Variants in SLC25A33 observed in about 807,000 individuals in gnomAD.
SLC25A33 encodes the protein bone marrow stromal cell mitochondrial carrier protein.
In SLC25A33, 15 loss-of-function variants were observed where a neutral mutation model predicts 35.5. That is an observed-to-expected ratio of 0.42 (90% CI 0.28 to 0.65). SLC25A33 has a LOEUF of 0.65. Ranked by LOEUF, SLC25A33 falls within the 30% of genes least tolerant of loss-of-function variation. The probability of loss-of-function intolerance (pLI) is 0.20; values close to 1 mark genes in which losing one functional copy is unlikely to be tolerated. For synonymous variants in SLC25A33, 136 were observed against 148.7 expected, an observed-to-expected ratio of 0.91 and a Z score of 0.62; for missense variants, 257 against 398.5, an observed-to-expected ratio of 0.64 and a Z score of 3.02.
intron 5 of SLC25A33, chr1:9,576,933 G>A (rs951152860): frequency 2.3e-6 from 3 of 1,299,650 alleles, no homozygotes; most frequent in Admixed American, 3.5e-5. Flanking sequence ...AGGAAGTTTG[G>A]GGATGGTATC....
rs577320018 is a variant in SLC25A33, at chr1:9,580,047, C to T, written c.576C>T (p.Ala192=). The change falls in exon 6 of 7, where the codon GCC becomes GCT. Residue 192 remains alanine, a synonymous_variant. Transcript: ENST00000302692. ...GTGGCTTCTATAGAGGATTAACTGCCTCGTATGCTGGAATTTCCGAAACTA... is the reference window on the plus strand; with the variant it reads ...GTGGCTTCTATAGAGGATTAACTGCTTCGTATGCTGGAATTTCCGAAACTA... The part of the protein sequence containing the change: ...GIRGFYRGLT[A]SYAGISETII... 11 of 1,612,642 alleles carry T rather than the reference C, an allele frequency of 6.8e-6. No homozygotes were observed. The East Asian group carries it at 2.2e-4, about 33-fold the overall frequency.
chr1:9,565,565 C>T (rs2100396879), intron 2 of SLC25A33, among the ~76,000 whole-genome samples: 1 of 149,280 alleles, frequency 6.7e-6, no homozygotes, highest in South Asian at 2.1e-4. Context: ...TGTATGTCAT[C>T]ACAAAAAAAA....
At chr1:9,573,075 A>C (rs994534801) in intron 4 of SLC25A33, among the ~76,000 whole-genome samples, 2 of 152,180 alleles carry the variant, frequency 1.3e-5, no homozygotes, top group Non-Finnish European at 2.9e-5. Flanking sequence ...ATTAACACAG[A>C]TATCAACACC....
At chr1:9,547,451 G>GA (rs112917804) in intron 1 of SLC25A33, among the ~76,000 whole-genome samples, 188 of 128,488 alleles carry the variant, frequency 1.5e-3, no homozygotes, top group African/African-American at 2.4e-3. Context: ...TCTCAAAAGA[G>GA]AAAAAAAAAA....
At position 9,564,046 on chromosome 1, in the gene SLC25A33, G is replaced by A. The variant is rs78040621; in HGVS notation, c.237-3238G>A. Among the ~76,000 whole-genome samples, 1,187 of 152,272 alleles carry A rather than the reference G, an allele frequency of 7.8e-3. 12 individuals are homozygous for A. Among genetic ancestry groups the A allele is most frequent in the African/African-American group, 0.027 (1,108 of 41,550 alleles). On this transcript the variant is annotated intron_variant, in intron 2 of 6. Coordinates refer to ENST00000302692, the MANE Select transcript of SLC25A33 (RefSeq NM_032315.3). ...AAATGGATGGTACTACTAGTAAAGA[G>A]AAATCCTCCATAAGAAAAAGAGATT...
intron 2 of SLC25A33, 141 bp from the exon 3 acceptor site, chr1:9,567,143 A>G: frequency 5.6e-6 from 4 of 715,530 alleles, no homozygotes; most frequent in East Asian, 2.5e-5. Flanking sequence ...TCTGTATTGT[A>G]ACCAAATCAG....
chr1:9,572,609 C>G (rs981555177), intron 4 of SLC25A33, among the ~76,000 whole-genome samples: 1 of 151,950 alleles, frequency 6.6e-6, no homozygotes, highest in African/African-American at 2.4e-5. Flanking sequence ...GAGCAAGACT[C>G]CCATCTCAAA....
At chr1:9,553,203 G>GTTTTTTTTTTTT (rs550067186) in intron 1 of SLC25A33, among the ~76,000 whole-genome samples, 13 of 56,490 alleles carry the variant, frequency 2.3e-4, no homozygotes, top group South Asian at 9.8e-4. Flanking sequence ...TTCTAGTTTT[G>GTTTTTTTTTTTT]TTTTTTTTTT....
At position 9,544,306 on chromosome 1, in the gene SLC25A33, T is replaced by C. The variant is rs138822245; in HGVS notation, c.56+4559T>C. ...TTTTTTGAAGCAGCATCTCTCTGTG[T>C]AGCCCAGGCTGGAGTGCAGTGGTGA... On this transcript the variant is annotated intron_variant, in intron 1 of 6. Transcript: ENST00000302692. Among the ~76,000 whole-genome samples, 3 of 151,376 alleles carry C rather than the reference T, an allele frequency of 2.0e-5. No homozygotes were observed. The East Asian group carries it at 5.9e-4, about 30-fold the overall frequency.
chr1:9,567,154 A>G (rs559718350), intron 2 of SLC25A33, 130 bp from the exon 3 acceptor site: 24 of 747,684 alleles, frequency 3.2e-5, no homozygotes, highest in East Asian at 1.2e-4. Context: ...ACCAAATCAG[A>G]TAAGAGTCGA....
chr1:9,576,708 C>T (rs1013734356), intron 5 of SLC25A33: 1 of 717,804 alleles, frequency 1.4e-6, no homozygotes, highest in Non-Finnish European at 2.5e-6. Flanking sequence ...ATGCTCACTT[C>T]CCCACCGACA....
chr1:9,565,929 A>G (rs190023918), intron 2 of SLC25A33, among the ~76,000 whole-genome samples: 2 of 152,114 alleles, frequency 1.3e-5, no homozygotes, highest in East Asian at 1.9e-4. Context: ...CAGTCACGGT[A>G]TAATCTTTGG....
chr1:9,564,739 A>AAAATATATATATATATATATAT (rs60174872), intron 2 of SLC25A33, among the ~76,000 whole-genome samples: 28 of 96,562 alleles, frequency 2.9e-4, no homozygotes, highest in Non-Finnish European at 4.2e-4. Flanking sequence ...AAAAAAAAAA[A>AAAATATATATATATATATATAT]ATATATATAT....
chr1:9,558,541 A>G (rs1193195332), intron 2 of SLC25A33, among the ~76,000 whole-genome samples: 1 of 152,188 alleles, frequency 6.6e-6, no homozygotes, highest in East Asian at 1.9e-4. Flanking sequence ...TAACATGAGC[A>G]AAACAGAACT....
intron 5 of SLC25A33, among the ~76,000 whole-genome samples, chr1:9,579,714 G>A (rs1245953852): frequency 6.6e-6 from 1 of 152,162 alleles, no homozygotes; most frequent in East Asian, 1.9e-4. Context: ...AGACCAACAA[G>A]GTAAGGACAT....
chr1:9,545,370 G>C (rs941741384), intron 1 of SLC25A33, among the ~76,000 whole-genome samples: 6 of 151,556 alleles, frequency 4.0e-5, no homozygotes, highest in African/African-American at 1.5e-4. Context: ...ACATAGGCTG[G>C]GTGTGGTGGC....
chr1:9,541,279 G>T (rs1010035976), intron 1 of SLC25A33, among the ~76,000 whole-genome samples: 2 of 151,512 alleles, frequency 1.3e-5, no homozygotes, highest in East Asian at 1.9e-4. Context: ...TCAGCCTCCC[G>T]AGTAGCTGGG....
At chr1:9,571,422 T>C (rs1643589391) in intron 4 of SLC25A33, among the ~76,000 whole-genome samples, 1 of 150,574 alleles carries the variant, frequency 6.6e-6, no homozygotes, top group Non-Finnish European at 1.5e-5. Context: ...GCCTCCCGAG[T>C]AGTTGGGACT....
intron 1 of SLC25A33, among the ~76,000 whole-genome samples, chr1:9,550,127 A>G (rs1396391900): frequency 7.0e-6 from 1 of 142,856 alleles, no homozygotes. Flanking sequence ...GATCCTCCTA[A>G]GTAGCTGGGA....
Sources: allele counts gnomAD v4.1 joint callset (sites outside exome capture counted in the v4.1 genomes callset), GRCh38; gene constraint gnomAD v4.1.1; transcripts MANE v1.5; gene names NCBI Gene and HGNC (gene_info 2026-07-23, HGNC 2026-07-21).